Variants in GRM3 observed in about 807,000 individuals in gnomAD.
The protein encoded by GRM3 is glutamate metabotropic receptor 3.
In GRM3, 26 loss-of-function variants were observed where a neutral mutation model predicts 70.5. The ratio of observed to expected loss-of-function variants is 0.37; its 90% confidence interval spans 0.27 to 0.51. GRM3 has a LOEUF of 0.51. Among genes scored for constraint, GRM3 ranks in the 20% least tolerant of loss-of-function variants. The probability of loss-of-function intolerance (pLI) is 0.93; values close to 1 mark genes in which losing one functional copy is unlikely to be tolerated. For synonymous variants in GRM3, 443 were observed against 434.9 expected, an observed-to-expected ratio of 1.02 and a Z score of -0.23; for missense variants, 859 against 1,123.8, an observed-to-expected ratio of 0.76 and a Z score of 3.37.
At chr7:86,646,566 T>C (rs1044086304) in intron 1 of GRM3, among the ~76,000 whole-genome samples, 3 of 152,134 alleles carry the variant, frequency 2.0e-5, no homozygotes, top group Admixed American at 1.3e-4. Context: ...AAAAAGAATA[T>C]GGCAACAATA....
chr7:86,806,340 G>T (rs894686518), intron 3 of GRM3, among the ~76,000 whole-genome samples: 1 of 152,152 alleles, frequency 6.6e-6, no homozygotes, highest in African/African-American at 2.4e-5. Context: ...TTCCACAATG[G>T]TTGAACTAGT....
intron 2 of GRM3, among the ~76,000 whole-genome samples, chr7:86,766,393 G>A (rs1157548201): frequency 2.7e-5 from 4 of 148,944 alleles, no homozygotes; most frequent in Non-Finnish European, 4.5e-5. Context: ...AAAAAAAAAA[G>A]GAAACATTTA....
intron 1 of GRM3, among the ~76,000 whole-genome samples, chr7:86,647,604 G>GTCTCACTTTGCT (rs1793505691): frequency 6.6e-6 from 1 of 152,164 alleles, no homozygotes; most frequent in Non-Finnish European, 1.5e-5. Context: ...ATTTTAAACT[G>GTCTCACTTTGCT]AGTTTATTGT....
intron 1 of GRM3, among the ~76,000 whole-genome samples, chr7:86,665,461 T>C (rs560436861): frequency 6.6e-6 from 1 of 152,170 alleles, no homozygotes; most frequent in South Asian, 2.1e-4. Flanking sequence ...AATGTGCACC[T>C]AGAGTAACAT....
chr7:86,717,723 T>C (rs1309676073), intron 1 of GRM3, among the ~76,000 whole-genome samples: 2 of 151,906 alleles, frequency 1.3e-5, no homozygotes, highest in Non-Finnish European at 2.9e-5. Context: ...ACGTGAAACA[T>C]AAGGGTTTGT....
intron 3 of GRM3, among the ~76,000 whole-genome samples, chr7:86,821,461 A>C (rs1483162733): frequency 2.0e-5 from 3 of 152,188 alleles, no homozygotes; most frequent in African/African-American, 7.2e-5. Flanking sequence ...AGTCAAGCTA[A>C]GAGTTATCAA....
At chr7:86,816,343 A>G (rs914260080) in intron 3 of GRM3, among the ~76,000 whole-genome samples, 1 of 151,844 alleles carries the variant, frequency 6.6e-6, no homozygotes, top group African/African-American at 2.4e-5. Flanking sequence ...TTTATTACAT[A>G]GGTAAATTGC....
chr7:86,656,807 G>A (rs1793756861), intron 1 of GRM3, among the ~76,000 whole-genome samples: 1 of 151,776 alleles, frequency 6.6e-6, no homozygotes, highest in African/African-American at 2.4e-5. Context: ...GTTTCTATAG[G>A]GGGCTACCTG....
chr7:86,723,515 T>A (rs1028320524), intron 1 of GRM3, among the ~76,000 whole-genome samples: 1 of 152,140 alleles, frequency 6.6e-6, no homozygotes, highest in Non-Finnish European at 1.5e-5. Flanking sequence ...AAACATATGA[T>A]CTGATTAGCA....
At chr7:86,715,792 A>G (rs1243539252) in intron 1 of GRM3, among the ~76,000 whole-genome samples, 2 of 152,014 alleles carry the variant, frequency 1.3e-5, no homozygotes, top group Non-Finnish European at 2.9e-5. Context: ...AAAGGTCAAT[A>G]TGCACAAGTT....
chr7:86,711,166 A>T (rs182246601), intron 1 of GRM3, among the ~76,000 whole-genome samples: 1,771 of 151,568 alleles, frequency 0.012, 30 homozygotes, highest in African/African-American at 0.041. Flanking sequence ...TCTCTAATTT[A>T]ATTTAATTTA....
At chr7:86,710,216 T>C (rs940624280) in intron 1 of GRM3, 5 of 152,052 alleles carry the variant, frequency 3.3e-5, no homozygotes, top group East Asian at 1.9e-4. Context: ...GTAAGTAATA[T>C]AGTCCACTTA....
rs778223300 is a variant in GRM3 at position 86,845,597 on chromosome 7, G to A, written c.2392-4773G>A. Among the ~76,000 whole-genome samples the A allele has an allele frequency of 7.2e-5, 11 of 152,112 alleles. No individual in the cohort carries two copies. In the South Asian group the frequency reaches 2.1e-3, roughly 29 times the overall value. ...TCAGCATACTTAGTCTGGTGTGTAT[G>A]GACTTCACCCACCCTTCAGGATGGG... is the stretch of plus-strand genomic sequence containing the variant. On this transcript the variant is annotated intron_variant, in intron 4 of 5. Transcript: ENST00000361669.
chr7:86,836,490 T>C (rs1040378794), intron 3 of GRM3, among the ~76,000 whole-genome samples: 2 of 152,212 alleles, frequency 1.3e-5, no homozygotes, highest in Admixed American at 6.5e-5. Context: ...AGTAAAAATA[T>C]ACATTACAAA....
At chr7:86,827,071 A>T (rs1798249364) in intron 3 of GRM3, among the ~76,000 whole-genome samples, 2 of 152,222 alleles carry the variant, frequency 1.3e-5, no homozygotes, top group African/African-American at 4.8e-5. Context: ...GCTTAGGAAT[A>T]GCAAAGAGAT....
At chr7:86,857,131 G>GTTTTTT (rs57272959) in intron 5 of GRM3, among the ~76,000 whole-genome samples, 2 of 142,608 alleles carry the variant, frequency 1.4e-5, no homozygotes, top group African/African-American at 5.1e-5. Context: ...AAATTCAATG[G>GTTTTTT]TTTTTTTTTT....
chr7:86,832,151 T>C (rs1439133022), intron 3 of GRM3, among the ~76,000 whole-genome samples: 1 of 152,146 alleles, frequency 6.6e-6, no homozygotes, highest in Non-Finnish European at 1.5e-5. Context: ...ACACTGTCTT[T>C]CACCTATATC....
intron 1 of GRM3, among the ~76,000 whole-genome samples, chr7:86,649,549 T>C (rs1393163238): frequency 6.6e-6 from 1 of 152,128 alleles, no homozygotes; most frequent in East Asian, 1.9e-4. Context: ...TAATTTCTTA[T>C]CAGAATTTAC....
chr7:86,856,794 T>C (rs911491901), intron 5 of GRM3, among the ~76,000 whole-genome samples: 2 of 152,210 alleles, frequency 1.3e-5, no homozygotes, highest in Non-Finnish European at 2.9e-5. Flanking sequence ...ACTGCTTTTT[T>C]CCATCCCTTA....
Sources: allele counts gnomAD v4.1 joint callset (sites outside exome capture counted in the v4.1 genomes callset), GRCh38; gene constraint gnomAD v4.1.1; transcripts MANE v1.5; gene names NCBI Gene and HGNC (gene_info 2026-07-23, HGNC 2026-07-21).